The following SLC25A48 variants were observed in gnomAD, a reference collection of about 807,000 sequenced individuals.
The protein encoded by SLC25A48 is CTC-321K16.1.
SLC25A48 carries 29 observed loss-of-function variants against 32.2 expected under a neutral mutation model. The observed-to-expected ratio is 0.90, with a 90% confidence interval of 0.67 to 1.23. SLC25A48 has a LOEUF of 1.23. Ranked by LOEUF, SLC25A48 falls within the 50% of genes most tolerant of loss-of-function variation. SLC25A48 has a pLI of 0.00. For missense variants in SLC25A48, 399 were observed against 422.7 expected, an observed-to-expected ratio of 0.94 and a Z score of 0.49; for synonymous variants, 164 against 172.3, an observed-to-expected ratio of 0.95 and a Z score of 0.38.
intron 3 of SLC25A48, among the ~76,000 whole-genome samples, chr5:135,734,275 A>G (rs1031545408): frequency 1.3e-5 from 2 of 152,102 alleles, no homozygotes; most frequent in Admixed American, 6.5e-5. Flanking sequence ...GAAGGGTGGC[A>G]ATGAGGTGTG....
At chr5:135,595,645 C>T (rs868592887) in intron 1 of SLC25A48, among the ~76,000 whole-genome samples, 8 of 152,180 alleles carry the variant, frequency 5.3e-5, no homozygotes, top group East Asian at 1.9e-4. Flanking sequence ...GATGGGCTTG[C>T]GCATACATGC....
At chr5:135,631,328 A>G (rs1179944351) in intron 2 of SLC25A48, among the ~76,000 whole-genome samples, 7 of 152,102 alleles carry the variant, frequency 4.6e-5, no homozygotes, top group Non-Finnish European at 1.0e-4. Flanking sequence ...TAATGGACTG[A>G]TGTGTTTCCT....
Position 135,852,768 on chromosome 5 carries a change from C to T in SLC25A48, c.368C>T (p.Pro123Leu). The change falls in exon 4 of 8, where the codon CCC (proline) becomes CTC (leucine). Residue 123 changes from proline to leucine, a missense_variant. Transcript: ENST00000681962. ...AGVVSVGLGGPVDLIKIRLQM... is the reference protein window; with the variant it reads ...AGVVSVGLGGLVDLIKIRLQM... Reference sequence around the variant, plus strand: ...GTGGTCTCTGTCGGGCTGGGAGGGCCCGTGGACCTCATCAAGATCCGGTTG... The same window carrying T: ...GTGGTCTCTGTCGGGCTGGGAGGGCTCGTGGACCTCATCAAGATCCGGTTG... The T allele has an allele frequency of 1.2e-6, 2 of 1,613,820 alleles. No homozygotes were observed. The highest frequency in any genetic ancestry group is 1.1e-5 in the South Asian group (1 of 91,068).
At chr5:135,761,132 C>T (rs7443630) in intron 3 of SLC25A48, among the ~76,000 whole-genome samples, 2 of 151,824 alleles carry the variant, frequency 1.3e-5, no homozygotes, top group African/African-American at 4.8e-5. Flanking sequence ...GAGACCCCCC[C>T]ATCTCTAAAA....
At chr5:135,615,905 T>A (rs1407893412) in intron 1 of SLC25A48, among the ~76,000 whole-genome samples, 2 of 152,232 alleles carry the variant, frequency 1.3e-5, no homozygotes. Flanking sequence ...CTTGGGGCAC[T>A]GCTGCCTGCA....
intron 3 of SLC25A48, among the ~76,000 whole-genome samples, chr5:135,661,929 G>A (rs977865088): frequency 6.6e-6 from 1 of 152,158 alleles, no homozygotes; most frequent in Non-Finnish European, 1.5e-5. Context: ...GCCTTTACAA[G>A]TTGCAGTAAA....
At chr5:135,744,499 A>G (rs1755590802) in intron 3 of SLC25A48, among the ~76,000 whole-genome samples, 1 of 84,098 alleles carries the variant, frequency 1.2e-5, no homozygotes, top group Admixed American at 1.2e-4. Flanking sequence ...TCACCATGCC[A>G]GCTAATTTTT....
chr5:135,834,916 C>G, intron 1 of SLC25A48, 23 bp downstream of exon 1: 1 of 1,597,448 alleles, frequency 6.3e-7, no homozygotes, highest in South Asian at 1.1e-5. Flanking sequence ...ACCGGGGACC[C>G]CCGGTCAGAG....
At chr5:135,669,457 A>G (rs1753603270) in intron 3 of SLC25A48, among the ~76,000 whole-genome samples, 1 of 152,100 alleles carries the variant, frequency 6.6e-6, no homozygotes, top group African/African-American at 2.4e-5. Context: ...AAGGGATGGA[A>G]CTCAAGCAGA....
At chr5:135,836,107 A>C (rs953755889) in intron 1 of SLC25A48, among the ~76,000 whole-genome samples, 1 of 152,202 alleles carries the variant, frequency 6.6e-6, no homozygotes, top group Non-Finnish European at 1.5e-5. Flanking sequence ...GCTGCCCCTT[A>C]AATAAGCAGA....
Position 135,886,636 on chromosome 5 carries a change from T to A in SLC25A48, c.*8-1396T>A, listed in dbSNP as rs867150486. On this transcript the variant is annotated intron_variant, in intron 7 of 7. Coordinates refer to ENST00000681962, the MANE Select transcript of SLC25A48 (RefSeq NM_001349336.2). ...ATATATATATATATATATATATATA[T>A]AAAATATATATATGTGTGTGTGTGT... is the stretch of plus-strand genomic sequence containing the variant. Among the ~76,000 whole-genome samples the A allele has an allele frequency of 4.8e-3, 143 of 29,958 alleles. 1 individual carries two copies. The highest frequency in any genetic ancestry group is 6.4e-3 in the African/African-American group (36 of 5,626). The allele number at this position is 29,958 out of a possible 152,430, so 19.7% of individuals were successfully genotyped here.
At chr5:135,869,919 T>G (rs6865253) in intron 4 of SLC25A48, among the ~76,000 whole-genome samples, 9,690 of 152,220 alleles carry the variant, frequency 0.064, 740 homozygotes, top group African/African-American at 0.18. Flanking sequence ...CCTTCCCCAC[T>G]GGAAGATGGA....
intron 3 of SLC25A48, among the ~76,000 whole-genome samples, chr5:135,693,560 C>T (rs1012764905): frequency 2.6e-5 from 4 of 152,216 alleles, no homozygotes; most frequent in Non-Finnish European, 5.9e-5. Context: ...ACAATCTTCT[C>T]CTGTGCTCAG....
chr5:135,641,715 G>A (rs541269328), intron 3 of SLC25A48, among the ~76,000 whole-genome samples: 3 of 152,276 alleles, frequency 2.0e-5, no homozygotes, highest in South Asian at 2.1e-4. Context: ...AAACTCCAGC[G>A]CTGTTTCTTT....
At chr5:135,610,855 G>T (rs1561757175) in intron 1 of SLC25A48, among the ~76,000 whole-genome samples, 1 of 152,154 alleles carries the variant, frequency 6.6e-6, no homozygotes. Flanking sequence ...CTTTCTCAGA[G>T]CTTATTCTCA....
chr5:135,606,563 A>G (rs1751937022), intron 1 of SLC25A48, among the ~76,000 whole-genome samples: 1 of 152,160 alleles, frequency 6.6e-6, no homozygotes, highest in Non-Finnish European at 1.5e-5. Context: ...GTGAGAAACC[A>G]AGACTGGAGA....
In SLC25A48 at chr5:135,762,296, A is replaced by C. The variant is rs150460682; in HGVS notation, c.-520-50227A>C. Among the ~76,000 whole-genome samples, 1,047 of 152,268 alleles carry C rather than the reference A, an allele frequency of 6.9e-3. 10 individuals carry two copies. The highest frequency in any genetic ancestry group is 0.012 in the Non-Finnish European group (832 of 68,010). On this transcript the variant is annotated intron_variant, in intron 3 of 10. Transcript: ENST00000646290. ...GAGGTGCAGGGAGAGGCAAGGGCCC[A>C]ATCTGCTGTTATTTGCTGAAAATGG... is the stretch of plus-strand genomic sequence containing the variant.
chr5:135,739,496 C>G (rs1384497311), intron 3 of SLC25A48, among the ~76,000 whole-genome samples: 1 of 152,150 alleles, frequency 6.6e-6, no homozygotes, highest in East Asian at 1.9e-4. Context: ...CTCTCTTGAT[C>G]CAAGGCCGTT....
chr5:135,584,438 C>T (rs567489218), intron 1 of SLC25A48, among the ~76,000 whole-genome samples: 7 of 152,338 alleles, frequency 4.6e-5, no homozygotes, highest in East Asian at 3.9e-4. Context: ...TGCAGGATCA[C>T]GGCATTTTGG....
Sources: allele counts gnomAD v4.1 joint callset (sites outside exome capture counted in the v4.1 genomes callset), GRCh38; gene constraint gnomAD v4.1.1; transcripts MANE v1.5; gene names NCBI Gene and HGNC (gene_info 2026-07-23, HGNC 2026-07-21).